Variants in PRAME observed in about 807,000 individuals in gnomAD.
PRAME encodes the protein melanoma antigen preferentially expressed in tumors.
In PRAME, 21 loss-of-function variants were observed where a neutral mutation model predicts 32.1. The ratio of observed to expected loss-of-function variants is 0.65; its 90% CI spans 0.46 to 0.94. The LOEUF is 0.94. PRAME is among the 40% of genes least tolerant of loss of function. The probability of loss-of-function intolerance (pLI) is 0.00; values close to 1 mark genes in which losing one functional copy is unlikely to be tolerated. For synonymous variants in PRAME, 274 were observed against 251.5 expected (o/e 1.09, Z -0.85); for missense variants, 651 against 622.3 (o/e 1.05, Z -0.49).
At chr22:22,558,472 G>A in intron 1 of PRAME, among the ~76,000 whole-genome samples, 1 of 81,616 alleles carries the variant, frequency 1.2e-5, no homozygotes, top group South Asian at 6.3e-4. Context: ...GGGAGGGGTG[G>A]GGATGTGTAA....
At chr22:22,548,729 A>G (rs1021793642) in intron 5 of PRAME, 86 bp from the exon 6 acceptor site, 4 of 1,256,950 alleles carry the variant, frequency 3.2e-6, no homozygotes, top group Admixed American at 4.3e-5. Context: ...CCAAAACCCA[A>G]AGTCTTCCTG....
At position 22,548,022 on chromosome 22, in the gene PRAME, T is replaced by TA. The variant is rs774305243; in HGVS notation, c.*44dup. 1.2e-5 allele frequency: 18 copies of TA among 1,543,144 alleles called. No individual in the cohort carries two copies. The highest frequency in any genetic ancestry group is 1.7e-4 in the Middle Eastern group (1 of 5,756). ...TCAAGATGCATGCACATCCTGGCTT[T>TA]AGTGTCCAAGTATGCAGAATGAAGC... On this transcript the variant is annotated 3_prime_UTR_variant, in exon 6 of 6. Coordinates refer to ENST00000405655, the MANE Select transcript of PRAME (RefSeq NM_206956.3).
At chr22:22,554,870 G>A (rs1156839820) in intron 3 of PRAME, among the ~76,000 whole-genome samples, 2 of 151,978 alleles carry the variant, frequency 1.3e-5, no homozygotes, top group African/African-American at 2.4e-5. Context: ...CCGCTTCCAG[G>A]AGATCCAAGG....
chr22:22,558,802 CGG>C (rs2063156667), intron 1 of PRAME, among the ~76,000 whole-genome samples, 167 bp downstream of exon 1: 1 of 151,462 alleles, frequency 6.6e-6, no homozygotes, highest in African/African-American at 2.4e-5. Context: ...CAGTGGGATG[CGG>C]GGTGCAGGGG....
At chr22:22,548,751 C>T in intron 5 of PRAME, 108 bp from the exon 6 acceptor site, 2 of 1,012,346 alleles carry the variant, frequency 2.0e-6, no homozygotes. Context: ...TGATGGTTAA[C>T]CGCCAGGATG....
intron 3 of PRAME, among the ~76,000 whole-genome samples, chr22:22,556,177 ATTT>A (rs1256795121): frequency 2.1e-5 from 3 of 145,852 alleles, no homozygotes; most frequent in African/African-American, 7.7e-5. Context: ...TTTTTTTTCT[ATTT>A]TTAGTAAAGA....
At position 22,548,494 on chromosome 22, in the gene PRAME, G is replaced by A; in HGVS notation, c.1103C>T (p.Pro368Leu). Reference protein sequence around the residue: ...GVMLTDVSPEPLQALLERASA... With the variant: ...GVMLTDVSPELLQALLERASA... ...GGCTCTCTCCAGCAGAGCTTGGAGG[G>A]GCTCGGGACTTACATCGGTCAGCAT... is the stretch of plus-strand genomic sequence containing the variant. Residue 368 changes from proline (P) to leucine (L), a missense_variant, in exon 6 of 6, where the codon CCC becomes CTC. By Grantham distance (98) the Pro-to-Leu change is moderately conservative (BLOSUM62 -3). Coordinates refer to ENST00000405655, the MANE Select transcript of PRAME (RefSeq NM_206956.3). 2 of 1,613,726 alleles carry A rather than the reference G, an allele frequency of 1.2e-6. No homozygotes were observed. Among genetic ancestry groups the A allele is most frequent in the East Asian group, 2.2e-5 (1 of 44,782 alleles).
chr22:22,553,314 CAG>C (rs1269931572), intron 3 of PRAME, among the ~76,000 whole-genome samples: 2 of 151,948 alleles, frequency 1.3e-5, no homozygotes, highest in Non-Finnish European at 2.9e-5. Flanking sequence ...GCTGGTCTTC[CAG>C]ACTTTGAAAG....
chr22:22,555,815 C>T (rs917745047), intron 3 of PRAME: 3 of 461,128 alleles, frequency 6.5e-6, no homozygotes, highest in Admixed American at 2.4e-5. Flanking sequence ...TTGTTGCTCA[C>T]TTCCCAGGAC....
Position 22,549,918 on chromosome 22 carries a change from G to A in PRAME, c.761C>T (p.Pro254Leu), listed in dbSNP as rs1405049647. The A allele has an allele frequency of 6.2e-7, 1 of 1,613,664 alleles. No homozygotes were observed. The highest frequency in any genetic ancestry group is 8.5e-7 in the Non-Finnish European group (1 of 1,179,948). The change falls in exon 5 of 6, where the codon CCT becomes CTT. Residue 254 changes from proline to leucine, a missense_variant. Coordinates refer to ENST00000405655, the MANE Select transcript of PRAME (RefSeq NM_206956.3). ...WKLPTLAKFS[P>L]YLGQMINLRR... ...CAGATTAATCATCTGGCCCAGGTAA[G>A]GAGAAAATTTCGCCAAGGTGGGTAG...
chr22:22,553,684 G>T, intron 3 of PRAME: 1 of 576,284 alleles, frequency 1.7e-6, no homozygotes, highest in Non-Finnish European at 2.2e-6. Context: ...AGGTGGGATA[G>T]AGAGTAATAT....
chr22:22,548,723 A>C, intron 5 of PRAME, 80 bp from the exon 6 acceptor site: 1 of 1,302,736 alleles, frequency 7.7e-7, no homozygotes, highest in Non-Finnish European at 1.1e-6. Context: ...ATTTCACCAA[A>C]ACCCAAAGTC....
intron 2 of PRAME, 142 bp from the exon 3 acceptor site, chr22:22,557,051 C>T: frequency 1.6e-6 from 1 of 614,594 alleles, no homozygotes; most frequent in Non-Finnish European, 2.9e-6. Context: ...CAGTGCAAAT[C>T]TCTGGCTCCA....
chr22:22,554,543 T>G (rs2062787926), intron 3 of PRAME, among the ~76,000 whole-genome samples: 1 of 151,952 alleles, frequency 6.6e-6, no homozygotes, highest in African/African-American at 2.4e-5. Flanking sequence ...TGTCCCTAAT[T>G]ATCAAGCAGC....
intron 2 of PRAME, 125 bp from the exon 3 acceptor site, chr22:22,557,034 G>A (rs1046559066): frequency 4.7e-6 from 3 of 640,670 alleles, no homozygotes; most frequent in Admixed American, 5.0e-5. Context: ...ACTCAATCCC[G>A]CCCTTTCAGT....
Position 22,551,058 on chromosome 22 carries a change from C to T in PRAME, c.53G>A (p.Ser18Asn). The change falls in exon 4 of 6, where the codon AGT becomes AAT. Residue 18 changes from serine to asparagine, a missense_variant. Physicochemically the swap from Ser to Asn is conservative, Grantham distance 46. Coordinates refer to ENST00000405655, the MANE Select transcript of PRAME (RefSeq NM_206956.3). ...AAGTCTCCGTGGGCTTGTCCACACA[C>T]TCATGCTGATGTATCGGCTCTGAAT... ...GSIQSRYISM[S>N]VWTSPRRLVE... The T allele has an allele frequency of 6.3e-7, 1 of 1,598,156 alleles. No individual in the cohort carries two copies. The highest frequency in any genetic ancestry group is 1.1e-5 in the South Asian group (1 of 89,516).
intron 3 of PRAME, among the ~76,000 whole-genome samples, chr22:22,551,967 T>C (rs1163639662): frequency 2.0e-5 from 3 of 151,410 alleles, no homozygotes; most frequent in Non-Finnish European, 4.4e-5. Context: ...ACAGTTACCA[T>C]CTTGTATACT....
intron 3 of PRAME, among the ~76,000 whole-genome samples, chr22:22,556,294 C>T (rs911149357): frequency 1.3e-5 from 2 of 151,878 alleles, no homozygotes; most frequent in South Asian, 2.1e-4. Flanking sequence ...CATGCATGAG[C>T]CACCATGCCT....
At position 22,548,113 on chromosome 22, in the gene PRAME, A is replaced by G. The variant is rs750804202; in HGVS notation, c.1484T>C (p.Phe495Ser). ...GCACAGGATGGGCTCCGGGTCATAGAAGGTTCTGTCCCCACAGTGAGGACA... is the reference window on the plus strand; with the variant it reads ...GCACAGGATGGGCTCCGGGTCATAGGAGGTTCTGTCCCCACAGTGAGGACA... Reference protein sequence around the residue: ...NPCPHCGDRTFYDPEPILCPC... With the variant: ...NPCPHCGDRTSYDPEPILCPC... Residue 495 changes from phenylalanine to serine, a missense_variant, in exon 6 of 6, where the codon TTC (phenylalanine) becomes TCC (serine). Physicochemically the swap from Phe to Ser is radical, Grantham distance 155. Transcript: ENST00000405655. The G allele has an allele frequency of 1.2e-6, 2 of 1,609,738 alleles. No individual in the cohort carries two copies. The highest frequency in any genetic ancestry group is 2.2e-5 in the East Asian group (1 of 44,776).
Sources: allele counts gnomAD v4.1 joint callset (sites outside exome capture counted in the v4.1 genomes callset), GRCh38; gene constraint gnomAD v4.1.1; transcripts MANE v1.5; gene names NCBI Gene and HGNC (gene_info 2026-07-23, HGNC 2026-07-21).